TAFA5: variants seen among roughly 807,000 people sequenced by gnomAD.
TAFA5 encodes the protein chemokine-like protein TAFA-5.
Under a neutral mutation model 15.3 loss-of-function variants are expected in TAFA5, and 6 were observed. That is an observed-to-expected ratio of 0.39 (90% CI 0.21 to 0.77). TAFA5 has a LOEUF of 0.77. Ranked by LOEUF, TAFA5 falls within the 30% of genes least tolerant of loss-of-function variation. The pLI, the probability that TAFA5 is intolerant of heterozygous loss-of-function variation, is 0.41. For synonymous variants in TAFA5, 103 were observed against 80.7 expected, an observed-to-expected ratio of 1.28 and a Z score of -1.48; for missense variants, 161 against 193.1, an observed-to-expected ratio of 0.83 and a Z score of 0.98.
In TAFA5 at chr22:48,550,728, A is replaced by G. The variant is rs544607126; in HGVS notation, c.112+61024A>G. Among the ~76,000 whole-genome samples the G allele has an allele frequency of 2.6e-5, 4 of 152,166 alleles. No individual in the cohort carries two copies. The highest frequency in any genetic ancestry group is 2.1e-4 in the South Asian group (1 of 4,810). On this transcript the variant is annotated intron_variant, in intron 1 of 3. Transcript: ENST00000402357. This position sits in a 1 kb window ranked among gnomAD's most constrained non-coding sequence, Gnocchi z 4.1. ...GTTGGGTGTGGAGTCCGGACAAGGTACATCCTGATCCAGGGCCCCCTACTC... is the reference window on the plus strand; with the variant it reads ...GTTGGGTGTGGAGTCCGGACAAGGTGCATCCTGATCCAGGGCCCCCTACTC...
chr22:48,691,613 C>T (rs1928544021), intron 2 of TAFA5, among the ~76,000 whole-genome samples: 1 of 152,350 alleles, frequency 6.6e-6, no homozygotes, highest in African/African-American at 2.4e-5. Flanking sequence ...GGAGCAGGCT[C>T]TTCTTCTGCC....
chr22:48,610,035 G>T (rs1055204843), intron 1 of TAFA5, among the ~76,000 whole-genome samples: 1 of 152,230 alleles, frequency 6.6e-6, no homozygotes, highest in Non-Finnish European at 1.5e-5. Flanking sequence ...GGCCTCAGGG[G>T]TTAGAATCTC....
intron 1 of TAFA5, among the ~76,000 whole-genome samples, chr22:48,595,892 C>T (rs1008627416): frequency 3.9e-5 from 6 of 152,272 alleles, no homozygotes; most frequent in African/African-American, 1.2e-4. Context: ...GCAAAACAAT[C>T]TGTAAGTATG....
At chr22:48,730,203 T>C (rs918116280) in intron 3 of TAFA5, among the ~76,000 whole-genome samples, 12 of 152,050 alleles carry the variant, frequency 7.9e-5, no homozygotes, top group African/African-American at 2.7e-4. Flanking sequence ...GCCAACCTGG[T>C]GAAACTTCAT....
chr22:48,639,458 G>T (rs1489505737), intron 1 of TAFA5, among the ~76,000 whole-genome samples: 1 of 152,224 alleles, frequency 6.6e-6, no homozygotes. Flanking sequence ...AGCCTGGCAG[G>T]ATCACACGGT....
chr22:48,749,809 G>A (rs1339988134), intron 3 of TAFA5, 30 bp from the exon 4 acceptor site: 1 of 1,560,170 alleles, frequency 6.4e-7, no homozygotes, highest in African/African-American at 1.4e-5. Context: ...TCTGCAGGAG[G>A]CTCACCCTCT....
At chr22:48,722,907 T>A (rs981258647) in intron 3 of TAFA5, among the ~76,000 whole-genome samples, 1 of 151,782 alleles carries the variant, frequency 6.6e-6, no homozygotes, top group Non-Finnish European at 1.5e-5. Flanking sequence ...GTGCAAGGAG[T>A]GAGTGTGTGG....
intron 2 of TAFA5, among the ~76,000 whole-genome samples, chr22:48,691,804 G>A (rs1480358324): frequency 1.3e-5 from 2 of 152,220 alleles, no homozygotes; most frequent in Non-Finnish European, 2.9e-5. Flanking sequence ...AGTCTCGTGG[G>A]ATGGCGAGGT....
chr22:48,542,647 T>TGG, intron 1 of TAFA5, among the ~76,000 whole-genome samples: 1 of 128,042 alleles, frequency 7.8e-6, no homozygotes, highest in Admixed American at 7.9e-5. Context: ...GATGTGTGTG[T>TGG]GTGGTGTGTG....
intron 1 of TAFA5, among the ~76,000 whole-genome samples, chr22:48,549,799 A>G (rs1039325429): frequency 2.6e-5 from 4 of 152,178 alleles, no homozygotes; most frequent in Non-Finnish European, 4.4e-5. Context: ...CACATTGAGG[A>G]CAAGCACGGG....
At chr22:48,701,992 G>A (rs890947994) in intron 2 of TAFA5, among the ~76,000 whole-genome samples, 1 of 152,178 alleles carries the variant, frequency 6.6e-6, no homozygotes, top group African/African-American at 2.4e-5. Flanking sequence ...TGTACACACA[G>A]AGGGGACCTG....
chr22:48,674,199 G>T (rs1257108251), intron 2 of TAFA5, among the ~76,000 whole-genome samples: 1 of 152,144 alleles, frequency 6.6e-6, no homozygotes, highest in Non-Finnish European at 1.5e-5. Context: ...CTCATTTCTT[G>T]GGACTTTGCT....
intron 1 of TAFA5, among the ~76,000 whole-genome samples, chr22:48,559,995 G>T (rs1012483617): frequency 6.6e-6 from 1 of 152,198 alleles, no homozygotes; most frequent in African/African-American, 2.4e-5. Flanking sequence ...CCCCGTGGGT[G>T]TGAGGGTCTG....
At position 48,749,968 on chromosome 22, in the gene TAFA5, T is replaced by G; in HGVS notation, c.*121T>G. 1.0e-6 allele frequency: 1 copy of G among 988,998 alleles called. No homozygotes were observed. Among genetic ancestry groups the G allele is most frequent in the South Asian group, 1.4e-5 (1 of 70,488 alleles). The allele number at this position is 988,998 out of a possible 1,614,324, so 61.3% of individuals were successfully genotyped here. A position where few individuals can be genotyped will look rare whatever the true frequency, so the allele number is the denominator to read the frequency against. On this transcript the variant is annotated 3_prime_UTR_variant, in exon 4 of 4. Transcript: ENST00000402357. ...TTCTCTGCCGCCCGCCCACTCCGTT[T>G]CCCTGTGGTCCGTGAAGGACGGCCT...
chr22:48,594,889 T>G (rs1601602967), intron 1 of TAFA5, among the ~76,000 whole-genome samples: 2 of 152,026 alleles, frequency 1.3e-5, no homozygotes. Context: ...TTTTTTTTTT[T>G]TTTTTGGTGC....
intron 2 of TAFA5, among the ~76,000 whole-genome samples, chr22:48,689,667 A>C (rs370949556): frequency 0.56 from 85,203 of 151,432 alleles, 24,201 homozygotes; most frequent in Middle Eastern, 0.61. Flanking sequence ...GGGCGGACAG[A>C]CTGGCCTGTC....
At chr22:48,542,630 G>GGTGTGGTGT (rs1922486471) in intron 1 of TAFA5, among the ~76,000 whole-genome samples, 1 of 16,866 alleles carries the variant, frequency 5.9e-5, no homozygotes, top group Non-Finnish European at 1.1e-4. Flanking sequence ...GGTGTGTGTG[G>GGTGTGGTGT]GTGTGTGATG....
chr22:48,738,755 GT>G (rs1930100898), intron 3 of TAFA5, among the ~76,000 whole-genome samples: 1 of 152,236 alleles, frequency 6.6e-6, no homozygotes, highest in Non-Finnish European at 1.5e-5. Context: ...CAGCCGCTGG[GT>G]CAGCCCTCAG....
chr22:48,604,829 A>G (rs2147168026), intron 1 of TAFA5, among the ~76,000 whole-genome samples: 1 of 152,266 alleles, frequency 6.6e-6, no homozygotes, highest in Middle Eastern at 3.4e-3. Context: ...GCTTCTTAGC[A>G]GTTGGATTTG....
Sources: gnomAD v4.1 joint callset for allele counts (sites outside exome capture counted in the v4.1 genomes callset) on GRCh38, gnomAD v4.1.1 for gene constraint, Gnocchi (gnomAD v3.1) non-coding constraint, MANE v1.5 for transcripts, NCBI Gene and HGNC (gene_info 2026-07-23, HGNC 2026-07-21) for gene names.